RANBP2: variants seen among roughly 807,000 people sequenced by gnomAD.
RANBP2 encodes the protein RAN binding protein 2.
Under a neutral mutation model 303.6 loss-of-function variants are expected in RANBP2, and 57 were observed. That is an observed-to-expected ratio of 0.19 (90% CI 0.15 to 0.23). The LOEUF is 0.23. RANBP2 is among the 10% of genes least tolerant of loss of function. RANBP2 has a pLI of 1.00. For missense variants in RANBP2, 3,138 were observed against 3,780.8 expected, an observed-to-expected ratio of 0.83 and a Z score of 4.46; for synonymous variants, 1,167 against 1,301.5, an observed-to-expected ratio of 0.90 and a Z score of 2.23.
chr2:108,782,965 A>G, intron 28 of RANBP2, 103 bp downstream of exon 28: 2 of 1,093,310 alleles, frequency 1.8e-6, no homozygotes, highest in Non-Finnish European at 2.7e-6. Context: ...TAGTTTTGTT[A>G]AAGATTTCTT....
chr2:109,418,190 GC>G, the RANBP2 span, among the ~76,000 whole-genome samples: 4 of 152,024 alleles, frequency 2.6e-5, no homozygotes, highest in Non-Finnish European at 4.4e-5. Flanking sequence ...CCCCTATTCT[GC>G]CCCTCGTCAG....
chr2:108,772,006 G>A (rs1677538089), intron 21 of RANBP2, 135 bp downstream of exon 21: 2 of 1,149,946 alleles, frequency 1.7e-6, no homozygotes, highest in South Asian at 1.3e-5. Context: ...TACCCTAAAT[G>A]TATGTGTAAA....
At chr2:109,072,015 A>G in the RANBP2 span, among the ~76,000 whole-genome samples, 1 of 152,252 alleles carries the variant, frequency 6.6e-6, no homozygotes, top group Non-Finnish European at 1.5e-5. Flanking sequence ...CACAGGCTAT[A>G]GAAGTAAACA....
the RANBP2 span, among the ~76,000 whole-genome samples, chr2:109,686,063 G>A: frequency 3.9e-5 from 6 of 152,138 alleles, no homozygotes; most frequent in Admixed American, 3.3e-4. Context: ...CCCAGACTCT[G>A]GTTTTCATAT....
the RANBP2 span, among the ~76,000 whole-genome samples, chr2:108,853,977 A>C: frequency 2.8e-3 from 38 of 13,574 alleles, no homozygotes; most frequent in Non-Finnish European, 7.1e-3. Context: ...AATATATATA[A>C]TATATAATAT....
the RANBP2 span, among the ~76,000 whole-genome samples, chr2:109,245,904 C>G: frequency 6.6e-6 from 1 of 152,114 alleles, no homozygotes; most frequent in African/African-American, 2.4e-5. Flanking sequence ...TCCCGGGCAT[C>G]ATTTACTGGT....
At chr2:109,408,834 C>A in the RANBP2 span, among the ~76,000 whole-genome samples, 1 of 152,218 alleles carries the variant, frequency 6.6e-6, no homozygotes, top group Non-Finnish European at 1.5e-5. Context: ...ATGGAGAAGC[C>A]TCTGGCCTGA....
At chr2:109,092,540 A>G in the RANBP2 span, among the ~76,000 whole-genome samples, 2 of 152,192 alleles carry the variant, frequency 1.3e-5, no homozygotes, top group African/African-American at 4.8e-5. Context: ...CTACATTTCC[A>G]TAAAACAGAA....
chr2:108,928,533 T>C, the RANBP2 span, among the ~76,000 whole-genome samples: 1 of 152,178 alleles, frequency 6.6e-6, no homozygotes, highest in South Asian at 2.1e-4. Flanking sequence ...CCACCACTGC[T>C]TTTATCTTTA....
chr2:109,235,010 T>C, the RANBP2 span, among the ~76,000 whole-genome samples: 4 of 152,202 alleles, frequency 2.6e-5, no homozygotes, highest in Non-Finnish European at 4.4e-5. Flanking sequence ...TTATCTGATA[T>C]CTTTAGAAGC....
the RANBP2 span, among the ~76,000 whole-genome samples, chr2:109,464,902 T>C: frequency 1.4e-4 from 21 of 152,300 alleles, no homozygotes; most frequent in Non-Finnish European, 2.4e-4. Flanking sequence ...TATAATGACA[T>C]GTGTCCAGCA....
At chr2:109,083,065 A>T in the RANBP2 span, among the ~76,000 whole-genome samples, 23 of 151,958 alleles carry the variant, frequency 1.5e-4, no homozygotes, top group Admixed American at 1.5e-3. Context: ...TGACCACGTG[A>T]TCCACCTGCC....
the RANBP2 span, among the ~76,000 whole-genome samples, chr2:109,234,778 C>T: frequency 6.6e-6 from 1 of 152,188 alleles, no homozygotes; most frequent in Non-Finnish European, 1.5e-5. Context: ...AAACAAATTA[C>T]ATCTTCACAC....
the RANBP2 span, among the ~76,000 whole-genome samples, chr2:109,027,739 C>T: frequency 8.4e-6 from 1 of 119,718 alleles, no homozygotes; most frequent in African/African-American, 3.2e-5. Context: ...TGATGAGGGC[C>T]TGGGCTCCAG....
At chr2:109,615,313 C>T in the RANBP2 span, 16 of 1,607,690 alleles carry the variant, frequency 1.0e-5, no homozygotes, top group Admixed American at 1.7e-5. Context: ...ATGCTCTCTG[C>T]CTCCGATGGC....
the RANBP2 span, among the ~76,000 whole-genome samples, chr2:109,277,348 G>A: frequency 6.6e-6 from 1 of 152,170 alleles, no homozygotes; most frequent in Non-Finnish European, 1.5e-5. Flanking sequence ...TATTTTCTCA[G>A]TGTCATTTCA....
the RANBP2 span, among the ~76,000 whole-genome samples, chr2:109,550,180 C>T: frequency 6.6e-6 from 1 of 151,956 alleles, no homozygotes; most frequent in Admixed American, 6.5e-5. Context: ...ATCCCAGCTA[C>T]TCGGGAGGCT....
chr2:109,164,786 A>G, the RANBP2 span, among the ~76,000 whole-genome samples: 2 of 152,192 alleles, frequency 1.3e-5, no homozygotes, highest in Non-Finnish European at 2.9e-5. Context: ...CAAGCTGGCA[A>G]AAACTGCCAC....
the RANBP2 span, among the ~76,000 whole-genome samples, chr2:109,223,926 TG>T: frequency 6.6e-6 from 1 of 152,162 alleles, no homozygotes; most frequent in Admixed American, 6.5e-5. Flanking sequence ...CACTTGAGCC[TG>T]GGGGGTGTGG....
Sources: gnomAD v4.1 joint callset for allele counts (sites outside exome capture counted in the v4.1 genomes callset) on GRCh38, gnomAD v4.1.1 for gene constraint, MANE v1.5 for transcripts, NCBI Gene and HGNC (gene_info 2026-07-23, HGNC 2026-07-21) for gene names.